Variants in PPP6R2 observed in about 807,000 individuals in gnomAD.
PPP6R2 encodes serine/threonine-protein phosphatase 6 regulatory subunit 2.
A neutral mutation model predicts 100.2 loss-of-function variants in PPP6R2; 62 were observed. The observed-to-expected ratio is 0.62, with a 90% CI of 0.50 to 0.76. PPP6R2 has a LOEUF of 0.76. Ranked by LOEUF, PPP6R2 falls within the 30% of genes least tolerant of loss-of-function variation. PPP6R2 has a pLI of 0.00. For synonymous variants in PPP6R2, 525 were observed against 514.7 expected (o/e 1.02, Z -0.27); for missense variants, 1,142 against 1,276.3 (o/e 0.89, Z 1.60).
chr22:50,433,574 T>C (rs368535200), intron 12 of PPP6R2, among the ~76,000 whole-genome samples: 39 of 56,962 alleles, frequency 6.8e-4, no homozygotes, highest in Admixed American at 1.5e-3. Context: ...GGGCATTTGC[T>C]CTGGAGGTGA....
chr22:50,389,993 T>C (rs1293489252), intron 2 of PPP6R2, among the ~76,000 whole-genome samples: 1 of 132,986 alleles, frequency 7.5e-6, no homozygotes, highest in Non-Finnish European at 1.7e-5. Context: ...TTTTTCTTTT[T>C]TTTTCTTTTT....
chr22:50,413,991 C>A (rs999504569), intron 4 of PPP6R2, among the ~76,000 whole-genome samples: 4 of 152,228 alleles, frequency 2.6e-5, no homozygotes, highest in African/African-American at 9.6e-5. Flanking sequence ...CATGGCCTCA[C>A]GCTTAGCTGT....
chr22:50,401,970 A>T lies in PPP6R2; in HGVS notation c.228-4719A>T, dbSNP rs2058121387. Among the ~76,000 whole-genome samples the T allele has an allele frequency of 2.6e-5, 4 of 152,264 alleles. No individual in the cohort carries two copies. In the South Asian group the frequency reaches 8.3e-4, roughly 32 times the overall value. Reference sequence around the variant, plus strand: ...TTTCTAAGAGCAGTTTCTTATTCTCATATATTTTAATAAAAGCTTCAAGTT... The same window carrying T: ...TTTCTAAGAGCAGTTTCTTATTCTCTTATATTTTAATAAAAGCTTCAAGTT... On this transcript the variant is annotated intron_variant, in intron 3 of 23. Transcript: ENST00000612753.
chr22:50,335,979 A>G, the PPP6R2 span, among the ~76,000 whole-genome samples: 1 of 149,524 alleles, frequency 6.7e-6, no homozygotes, highest in African/African-American at 2.5e-5. Context: ...CCCAGCCACA[A>G]TGTTGAATGT....
At chr22:50,335,833 G>A in the PPP6R2 span, among the ~76,000 whole-genome samples, 2,639 of 142,952 alleles carry the variant, frequency 0.018, 294 homozygotes, top group South Asian at 0.045. Context: ...CTGCCACCAC[G>A]CCCGACTAAT....
At chr22:50,391,868 C>G (rs2055641910) in intron 2 of PPP6R2, 1 of 150,346 alleles carries the variant, frequency 6.7e-6, no homozygotes, top group Admixed American at 6.7e-5. Context: ...TCCACCCAGG[C>G]TTCCACCTTC....
At position 50,438,686 on chromosome 22, in the gene PPP6R2, C is replaced by G. The variant is rs753241572; in HGVS notation, c.2052C>G (p.His684Gln). 6.2e-7 allele frequency: 1 copy of G among 1,613,960 alleles called. No individual in the cohort carries two copies. The highest frequency in any genetic ancestry group is 1.1e-5 in the South Asian group (1 of 91,078). Residue 684 changes from histidine (H) to glutamine (Q), a missense_variant, in exon 19 of 24, where the codon CAC (histidine) becomes CAG (glutamine). By Grantham distance (24) the His-to-Gln change is conservative. This residue lies in a region of PPP6R2 where 550 missense variants were observed against 517.4 expected (regional missense o/e 1.06). Transcript: ENST00000612753. ...ATGGGAAGGCGAGCTTGGAAGCACA[C>G]AGAGATGCACCTGGGGCAGGTGCCC... ...GQDGKASLEA[H>Q]RDAPGAGAPP...
At chr22:50,436,181 C>G (rs1018038746) in intron 13 of PPP6R2, among the ~76,000 whole-genome samples, 186 bp from the exon 14 acceptor site, 2 of 152,234 alleles carry the variant, frequency 1.3e-5, no homozygotes, top group African/African-American at 4.8e-5. Context: ...CAGGCCCCTC[C>G]GGACACGCGG....
chr22:50,372,472 C>A (rs1229182257), intron 2 of PPP6R2, among the ~76,000 whole-genome samples: 1 of 151,916 alleles, frequency 6.6e-6, no homozygotes, highest in African/African-American at 2.4e-5. Context: ...TCGCTTGAAT[C>A]CAGGAGATGG....
At chr22:50,393,854 C>T (rs2056163649) in intron 2 of PPP6R2, 39 bp from the exon 3 acceptor site, 1 of 1,608,442 alleles carries the variant, frequency 6.2e-7, no homozygotes, top group South Asian at 1.1e-5. Flanking sequence ...GGTGGATTTG[C>T]AAGGGTGAGA....
intron 1 of PPP6R2, among the ~76,000 whole-genome samples, chr22:50,370,448 C>T (rs573561428): frequency 4.1e-5 from 6 of 147,484 alleles, no homozygotes; most frequent in African/African-American, 1.2e-4. Flanking sequence ...CCACCACGCC[C>T]AGCTAATTTT....
intron 1 of PPP6R2, among the ~76,000 whole-genome samples, chr22:50,355,575 C>G (rs1225879839): frequency 6.9e-6 from 1 of 145,346 alleles, no homozygotes; most frequent in East Asian, 2.1e-4. Context: ...GGCTGGAGTG[C>G]AGTGGTGCGA....
intron 10 of PPP6R2, among the ~76,000 whole-genome samples, chr22:50,425,562 G>A (rs2061978874): frequency 6.6e-6 from 1 of 152,220 alleles, no homozygotes; most frequent in South Asian, 2.1e-4. Flanking sequence ...ACAATTCCAT[G>A]ATTAAGTTTT....
chr22:50,340,358 A>G (rs1463263745), upstream of PPP6R2, among the ~76,000 whole-genome samples: 11 of 43,052 alleles, frequency 2.6e-4, no homozygotes, highest in South Asian at 8.6e-4. Flanking sequence ...TGTGTGTGGT[A>G]TGGAGTGTGT....
chr22:50,379,487 C>T (rs1403444907), intron 2 of PPP6R2, among the ~76,000 whole-genome samples: 2 of 151,976 alleles, frequency 1.3e-5, no homozygotes, highest in African/African-American at 2.4e-5. Context: ...CAGAGTGAGA[C>T]CCCGTATCAA....
At chr22:50,334,159 G>A in the PPP6R2 span, among the ~76,000 whole-genome samples, 13 of 152,370 alleles carry the variant, frequency 8.5e-5, 1 homozygote, top group East Asian at 2.3e-3. Context: ...TTAGGCCTCC[G>A]GATGGCTGCG....
intron 2 of PPP6R2, among the ~76,000 whole-genome samples, chr22:50,381,482 G>C (rs1395588262): frequency 6.6e-6 from 1 of 151,418 alleles, no homozygotes; most frequent in Non-Finnish European, 1.5e-5. Flanking sequence ...AGCACCACAC[G>C]GGCCCCACCT....
At chr22:50,442,794 C>G (rs367748521) in intron 22 of PPP6R2, among the ~76,000 whole-genome samples, 3 of 151,594 alleles carry the variant, frequency 2.0e-5, no homozygotes, top group Non-Finnish European at 4.4e-5. Context: ...CCTCATGATC[C>G]GCCTGCCTCG....
chr22:50,419,058 C>G, intron 7 of PPP6R2, 79 bp downstream of exon 7: 2 of 1,165,786 alleles, frequency 1.7e-6, no homozygotes, highest in Non-Finnish European at 2.6e-6. Context: ...GCTCTGAGCA[C>G]CAGGATATGT....
Sources: allele counts gnomAD v4.1 joint callset (sites outside exome capture counted in the v4.1 genomes callset), GRCh38; gene constraint gnomAD v4.1.1; regional missense constraint gnomAD v4.1.1; transcripts MANE v1.5; gene names NCBI Gene and HGNC (gene_info 2026-07-23, HGNC 2026-07-21).